The following SH3BP2 variants were observed in gnomAD, a reference collection of about 807,000 sequenced individuals.
The protein encoded by SH3BP2 is SH3 domain binding protein 2.
SH3BP2 carries 38 observed loss-of-function variants against 56.2 expected under a neutral mutation model. The ratio of observed to expected loss-of-function variants is 0.68; its 90% CI spans 0.52 to 0.89. The LOEUF is 0.89. SH3BP2 is among the 40% of genes least tolerant of loss of function. SH3BP2 has a pLI of 0.00. For synonymous variants in SH3BP2, 346 were observed against 316.7 expected (o/e 1.09, Z -0.98); for missense variants, 748 against 762.6 (o/e 0.98, Z 0.23).
chr4:2,827,288 A>G lies in SH3BP2; in HGVS notation c.487A>G (p.Ser163Gly), dbSNP rs370357202. 6.2e-7 allele frequency: 1 copy of G among 1,614,050 alleles called. No individual in the cohort carries two copies. Among genetic ancestry groups the G allele is most frequent in the Non-Finnish European group, 8.5e-7 (1 of 1,180,028 alleles). ...YGAVERPVDI[S>G]LSPYPTDNED... is the part of the protein sequence containing the mutation. ...CGCAGTTGAGCGGCCTGTGGATATCAGCCTTTCCCCGTACCCCACGGACAA... is the reference window on the plus strand; with the variant it reads ...CGCAGTTGAGCGGCCTGTGGATATCGGCCTTTCCCCGTACCCCACGGACAA... The change falls in exon 6 of 13, where the codon AGC (serine) becomes GGC (glycine). Residue 163 changes from serine (S) to glycine (G), a missense_variant. By Grantham distance (56) the Ser-to-Gly change is moderately conservative. This residue lies in a region of SH3BP2 where 635 missense variants were observed against 615.0 expected (regional missense o/e 1.03). Coordinates refer to ENST00000503393, the MANE Select transcript of SH3BP2 (RefSeq NM_001122681.2).
intron 1 of SH3BP2, among the ~76,000 whole-genome samples, chr4:2,806,246 G>T (rs910943612): frequency 1.3e-5 from 2 of 152,186 alleles, no homozygotes; most frequent in Admixed American, 1.3e-4. Context: ...CCCCTCTCGG[G>T]ACCCTGCGGG....
At chr4:2,830,940 G>T (rs973612190) in intron 8 of SH3BP2, among the ~76,000 whole-genome samples, 1 of 152,236 alleles carries the variant, frequency 6.6e-6, no homozygotes, top group Admixed American at 6.5e-5. Flanking sequence ...AAGTGCCTCT[G>T]AGCAGCCCTT....
At chr4:2,832,567 C>G (rs1725048911) in intron 11 of SH3BP2, among the ~76,000 whole-genome samples, 155 bp downstream of exon 11, 1 of 152,042 alleles carries the variant, frequency 6.6e-6, no homozygotes, top group Admixed American at 6.5e-5. Context: ...ACCCCCCAAT[C>G]TATTCCCTAA....
chr4:2,824,642 CCAA>C lies in SH3BP2; in HGVS notation c.274_276del (p.Asn92del). On this transcript the variant is annotated inframe_deletion, in exon 4 of 13. Transcript: ENST00000503393. ...ATGCGGGCGGCTGAGGAGACCACGT[CCAA>C]CAACGTTTTCCCCTTCAAGATCATC... 4.3e-6 allele frequency: 7 copies of C among 1,613,950 alleles called. No homozygotes were observed. The highest frequency in any genetic ancestry group is 2.2e-5 in the East Asian group (1 of 44,868).
In SH3BP2 at chr4:2,820,632, G is replaced by C. The variant is rs370829171; in HGVS notation, c.15G>C (p.Glu5Asp). Residue 5 changes from glutamate to aspartate, a missense_variant, in exon 2 of 13, where the codon GAG (glutamate) becomes GAC (aspartate). This residue lies in a region of SH3BP2 where 104 missense variants were observed against 123.1 expected (regional missense o/e 0.84). Transcript: ENST00000503393. MAAE[E>D]MHWPVPMKAI... Reference sequence around the variant, plus strand: ...ATTGCAGCTTCATGGCGGCTGAAGAGATGCATTGGCCTGTCCCTATGAAGG... The same window carrying C: ...ATTGCAGCTTCATGGCGGCTGAAGACATGCATTGGCCTGTCCCTATGAAGG... The C allele has an allele frequency of 6.1e-5, 99 of 1,614,050 alleles. No individual in the cohort carries two copies. Among genetic ancestry groups the C allele is most frequent in the Non-Finnish European group, 8.2e-5 (97 of 1,180,012 alleles).
chr4:2,833,492 T>C (rs1419038204), intron 12 of SH3BP2: 2 of 662,560 alleles, frequency 3.0e-6, no homozygotes, highest in African/African-American at 1.8e-5. Flanking sequence ...CTCCTGGACA[T>C]GGAGGACGGA....
intron 2 of SH3BP2, among the ~76,000 whole-genome samples, chr4:2,821,668 C>A (rs571820912): frequency 6.6e-6 from 1 of 151,638 alleles, no homozygotes; most frequent in Admixed American, 6.6e-5. Flanking sequence ...CAGGTGATCC[C>A]CTCAGCTGGG....
chr4:2,800,828 G>A (rs188482709), intron 1 of SH3BP2, among the ~76,000 whole-genome samples: 385 of 152,312 alleles, frequency 2.5e-3, no homozygotes, highest in African/African-American at 8.1e-3. Context: ...AAGGCCAGGC[G>A]GGAGTTTGCA....
intron 2 of SH3BP2, 111 bp downstream of exon 2, chr4:2,820,864 G>C: frequency 3.2e-6 from 4 of 1,266,872 alleles, no homozygotes; most frequent in Non-Finnish European, 4.3e-6. Flanking sequence ...GTGCCCTCTG[G>C]ATTTTCCCAT....
intron 7 of SH3BP2, 110 bp downstream of exon 7, chr4:2,827,784 G>T: frequency 2.2e-6 from 2 of 908,166 alleles, no homozygotes; most frequent in Admixed American, 2.0e-5. Context: ...TACCGCTCTG[G>T]GTGGCTTCCG....
At chr4:2,821,431 GCTTGTCCCCCAGC>G (rs1724299190) in intron 2 of SH3BP2, among the ~76,000 whole-genome samples, 1 of 152,230 alleles carries the variant, frequency 6.6e-6, no homozygotes, top group Non-Finnish European at 1.5e-5. Context: ...GCTGTAACTG[GCTTGTCCCCCAGC>G]CTGGGACAGG....
At position 2,834,064 on chromosome 4, in the gene SH3BP2, C is replaced by T. The variant is rs908282624; in HGVS notation, c.*230C>T. On this transcript the variant is annotated 3_prime_UTR_variant, in exon 13 of 13. Coordinates refer to ENST00000503393, the MANE Select transcript of SH3BP2 (RefSeq NM_001122681.2). ...GACGAAGGGACTCTGTTGCCCCACA[C>T]TAACTTGCCCTGTCCCAATCCCAGA... is the stretch of plus-strand genomic sequence containing the variant. The T allele has an allele frequency of 1.4e-5, 8 of 568,642 alleles. 1 individual carries two copies. The highest frequency in any genetic ancestry group is 2.5e-5 in the Non-Finnish European group (8 of 319,830). The allele number at this position is 568,642 out of a possible 1,614,324, so 35.2% of individuals were successfully genotyped here. A position where few individuals can be genotyped will look rare whatever the true frequency, so the allele number is the denominator to read the frequency against.
intron 1 of SH3BP2, among the ~76,000 whole-genome samples, chr4:2,817,406 C>G (rs1023435548): frequency 6.6e-6 from 1 of 152,224 alleles, no homozygotes; most frequent in African/African-American, 2.4e-5. Context: ...AGAGATGGGA[C>G]AGAGCCTCGA....
chr4:2,799,399 G>T (rs1047663816), intron 1 of SH3BP2: 34 of 672,578 alleles, frequency 5.1e-5, no homozygotes, highest in Admixed American at 6.3e-5. Flanking sequence ...CTGGCTTCAG[G>T]AAGGTTTGCT....
At chr4:2,828,195 CCTCCCTCCCTT>C (rs767298285) in intron 7 of SH3BP2, among the ~76,000 whole-genome samples, 6,139 of 151,794 alleles carry the variant, frequency 0.04, 137 homozygotes, top group Non-Finnish European at 0.048. Flanking sequence ...TCCTCTGTCG[CCTCCCTCCCTT>C]CCTCCCTCCC....
intron 5 of SH3BP2, among the ~76,000 whole-genome samples, chr4:2,825,506 G>GCA (rs148968683): frequency 1.3e-5 from 2 of 149,970 alleles, no homozygotes; most frequent in Non-Finnish European, 3.0e-5. Context: ...ACGTGGACAT[G>GCA]CACACACACA....
intron 5 of SH3BP2, among the ~76,000 whole-genome samples, chr4:2,826,012 GC>G (rs539692572): frequency 2.3e-3 from 355 of 152,396 alleles, no homozygotes; most frequent in African/African-American, 8.2e-3. Flanking sequence ...AGCCAAGGCT[GC>G]CCTGCAGGTC....
intron 1 of SH3BP2, chr4:2,793,667 G>A (rs929825806): frequency 6.6e-6 from 1 of 152,098 alleles, no homozygotes; most frequent in Non-Finnish European, 1.5e-5. Context: ...CTCGCTCTCC[G>A]CCCTTCCCGG....
intron 1 of SH3BP2, chr4:2,812,550 G>T (rs997888835): frequency 1.0e-5 from 15 of 1,499,642 alleles, no homozygotes; most frequent in African/African-American, 1.4e-5. Flanking sequence ...CAGTAAGGGG[G>T]CCCCACGTGG....
Sources: allele counts gnomAD v4.1 joint callset (sites outside exome capture counted in the v4.1 genomes callset), GRCh38; gene constraint gnomAD v4.1.1; regional missense constraint gnomAD v4.1.1; transcripts MANE v1.5; gene names NCBI Gene and HGNC (gene_info 2026-07-23, HGNC 2026-07-21).